ATP8A1: variants seen among roughly 807,000 people sequenced by gnomAD.
The protein encoded by ATP8A1 is ATPase phospholipid transporting 8A1.
In ATP8A1, 90 loss-of-function variants were observed where a neutral mutation model predicts 177.7. The ratio of observed to expected loss-of-function variants is 0.51; its 90% CI spans 0.43 to 0.60. ATP8A1 has a LOEUF of 0.60. Among genes scored for constraint, ATP8A1 ranks in the 20% least tolerant of loss-of-function variants. ATP8A1 has a pLI of 0.00. For synonymous variants in ATP8A1, 493 were observed against 485.9 expected, an observed-to-expected ratio of 1.01 and a Z score of -0.19; for missense variants, 1,072 against 1,392.8, an observed-to-expected ratio of 0.77 and a Z score of 3.67.
At chr4:42,455,735 T>A (rs549105258) in intron 27 of ATP8A1, 136 bp from the exon 28 acceptor site, 5 of 779,956 alleles carry the variant, frequency 6.4e-6, no homozygotes, top group Admixed American at 3.2e-5. Context: ...AAAATGACAT[T>A]TCTTTGGTTT....
intron 22 of ATP8A1, among the ~76,000 whole-genome samples, chr4:42,513,495 T>C (rs1725223454): frequency 6.6e-6 from 1 of 151,990 alleles, no homozygotes; most frequent in Admixed American, 6.6e-5. Flanking sequence ...AAACAATGAA[T>C]TAAGGTTTAG....
chr4:42,524,997 A>G, intron 20 of ATP8A1, 150 bp from the exon 21 acceptor site: 1 of 519,118 alleles, frequency 1.9e-6, no homozygotes, highest in Non-Finnish European at 3.4e-6. Context: ...TTTGTCTAAT[A>G]ATACTATTTT....
Position 42,408,954 on chromosome 4 carries a change from T to C in ATP8A1, c.*3962A>G, listed in dbSNP as rs1712280349. 6.6e-6 allele frequency: 1 copy of C among 152,198 alleles called. No individual in the cohort carries two copies. Among genetic ancestry groups the C allele is most frequent in the Non-Finnish European group, 1.5e-5 (1 of 68,002 alleles). 9.4% of individuals were successfully genotyped at this position (152,198 alleles called of 1,614,324 possible). A position where few individuals can be genotyped will look rare whatever the true frequency, so the allele number is the denominator to read the frequency against. ...CTTTCCTACTTAAGGGAGATTTATTTGCTGAGAAGTTTTGGGAGCTTTATT... is the reference window on the plus strand; with the variant it reads ...CTTTCCTACTTAAGGGAGATTTATTCGCTGAGAAGTTTTGGGAGCTTTATT... On this transcript the variant is annotated 3_prime_UTR_variant, in exon 37 of 37. Transcript: ENST00000381668.
rs1719553242 is a variant in ATP8A1 at position 42,464,809 on chromosome 4, A to G, written c.2509-9T>C. Reference sequence around the variant, plus strand: ...TTCTTCAAATATTTGAACTAAAACAAGAGTGGGAAAAAATTAGTATTTTCC... The same window carrying G: ...TTCTTCAAATATTTGAACTAAAACAGGAGTGGGAAAAAATTAGTATTTTCC... On this transcript the variant is annotated splice_polypyrimidine_tract_variant and intron_variant, in intron 26 of 36. Coordinates refer to ENST00000381668, the MANE Select transcript of ATP8A1 (RefSeq NM_006095.2). 1 of 1,612,288 alleles carries G rather than the reference A, an allele frequency of 6.2e-7. No individual in the cohort carries two copies.
At chr4:42,597,320 T>C (rs1173815310) in intron 6 of ATP8A1, among the ~76,000 whole-genome samples, 1 of 152,226 alleles carries the variant, frequency 6.6e-6, no homozygotes, top group East Asian at 1.9e-4. Context: ...AGAAAAGACT[T>C]GCCTCAAAAT....
intron 22 of ATP8A1, among the ~76,000 whole-genome samples, chr4:42,509,849 C>CAG (rs1724822870): frequency 1.3e-5 from 1 of 79,008 alleles, no homozygotes; most frequent in Non-Finnish European, 2.6e-5. Context: ...GAGACAGTCT[C>CAG]AAAAAAAAAA....
At position 42,623,518 on chromosome 4, in the gene ATP8A1, A is replaced by C. The variant is rs142534413; in HGVS notation, c.363+1018T>G. On this transcript the variant is annotated intron_variant, in intron 4 of 36. Transcript: ENST00000381668. ...ACCACGGAATACTATGCAGCCATAA[A>C]AAAGAACGAGATCATGTCCTTTGCA... 6.6e-4 allele frequency among the ~76,000 whole-genome samples: 100 copies of C among 152,334 alleles called. No individual in the cohort carries two copies. In the East Asian group the frequency reaches 0.016, roughly 24 times the overall value.
In ATP8A1 at chr4:42,589,033, C is replaced by A. The variant is rs1170512303; in HGVS notation, c.525-704G>T. On this transcript the variant is annotated intron_variant, in intron 7 of 36. Coordinates refer to ENST00000381668, the MANE Select transcript of ATP8A1 (RefSeq NM_006095.2). ...ATATTGCTCCTTGACCTAGAAGATG[C>A]ACTTCATGGGTTCCCCACCAGTGTG... is the stretch of plus-strand genomic sequence containing the variant. Among the ~76,000 whole-genome samples the A allele has an allele frequency of 3.3e-5, 5 of 152,168 alleles. No homozygotes were observed. The East Asian group carries it at 9.7e-4, about 29-fold the overall frequency.
chr4:42,599,059 A>C (rs1343848414), intron 6 of ATP8A1, among the ~76,000 whole-genome samples: 2 of 152,174 alleles, frequency 1.3e-5, no homozygotes, highest in African/African-American at 4.8e-5. Context: ...GAAAAGTAAG[A>C]ATTACAATAA....
At chr4:42,517,069 G>GC (rs1725619243) in intron 22 of ATP8A1, among the ~76,000 whole-genome samples, 1 of 148,770 alleles carries the variant, frequency 6.7e-6, no homozygotes, top group Admixed American at 6.6e-5. Flanking sequence ...GGGAGGCCAA[G>GC]GGGGGGTGGA....
intron 27 of ATP8A1, among the ~76,000 whole-genome samples, chr4:42,457,183 G>A (rs762833857): frequency 6.6e-5 from 10 of 152,092 alleles, no homozygotes; most frequent in Non-Finnish European, 1.3e-4. Context: ...TAAACAAACA[G>A]CCAGATCATT....
intron 33 of ATP8A1, among the ~76,000 whole-genome samples, chr4:42,438,808 C>G (rs1716289842): frequency 1.3e-5 from 2 of 152,230 alleles, no homozygotes; most frequent in African/African-American, 4.8e-5. Flanking sequence ...AAAGAATGAC[C>G]TGGGTTAAAT....
chr4:42,555,210 G>GCCCC (rs545566513), intron 16 of ATP8A1, among the ~76,000 whole-genome samples: 1,123 of 109,814 alleles, frequency 0.01, 29 homozygotes, highest in Non-Finnish European at 0.014. Flanking sequence ...TATTAGTTCT[G>GCCCC]CCCCCCCCTA....
At chr4:42,588,213 T>C in intron 8 of ATP8A1, 47 bp downstream of exon 8, 3 of 1,457,916 alleles carry the variant, frequency 2.1e-6, no homozygotes, top group Non-Finnish European at 2.9e-6. Flanking sequence ...CTTAATTCCA[T>C]GTAATAAAAT....
intron 6 of ATP8A1, among the ~76,000 whole-genome samples, chr4:42,597,210 T>A (rs1480678391): frequency 2.0e-5 from 3 of 152,120 alleles, no homozygotes; most frequent in Non-Finnish European, 4.4e-5. Context: ...TAAAGCCCAT[T>A]TACACTAAGG....
chr4:42,553,943 A>G (rs745677353), intron 16 of ATP8A1, among the ~76,000 whole-genome samples: 1 of 152,134 alleles, frequency 6.6e-6, no homozygotes, highest in African/African-American at 2.4e-5. Context: ...ATCAAGCAGG[A>G]AAGGTCGTAA....
chr4:42,487,803 C>A (rs988533469), intron 24 of ATP8A1, among the ~76,000 whole-genome samples: 2 of 152,086 alleles, frequency 1.3e-5, no homozygotes, highest in African/African-American at 2.4e-5. Flanking sequence ...ATAATAGAAC[C>A]AAGTTGTACT....
At chr4:42,601,447 C>CTGCT (rs982553781) in intron 5 of ATP8A1, among the ~76,000 whole-genome samples, 1 of 150,964 alleles carries the variant, frequency 6.6e-6, no homozygotes, top group Non-Finnish European at 1.5e-5. Context: ...GGTTTCGCTA[C>CTGCT]TGCTTCACAT....
chr4:42,462,481 G>C (rs1166011805), intron 27 of ATP8A1, among the ~76,000 whole-genome samples: 1 of 152,266 alleles, frequency 6.6e-6, no homozygotes, highest in South Asian at 2.1e-4. Context: ...TCCATGTGGT[G>C]TTGAGCCTGA....
Sources: gnomAD v4.1 joint callset for allele counts (sites outside exome capture counted in the v4.1 genomes callset) on GRCh38, gnomAD v4.1.1 for gene constraint, MANE v1.5 for transcripts, NCBI Gene and HGNC (gene_info 2026-07-23, HGNC 2026-07-21) for gene names.